Variants in HERC1 observed in about 807,000 individuals in gnomAD.
The protein encoded by HERC1 is HECT and RLD domain containing E3 ubiquitin protein ligase family member 1, also known as probable E3 ubiquitin-protein ligase HERC1.
In HERC1, 160 loss-of-function variants were observed where a neutral mutation model predicts 554.3. The observed-to-expected ratio is 0.29, with a 90% CI of 0.25 to 0.33. HERC1 has a LOEUF of 0.33. HERC1 is among the 10% of genes least tolerant of loss of function. The pLI, the probability that HERC1 is intolerant of heterozygous loss-of-function variation, is 1.00. For missense variants in HERC1, 4,919 were observed against 5,918.5 expected, an observed-to-expected ratio of 0.83 and a Z score of 5.54; for synonymous variants, 2,175 against 2,131.7, an observed-to-expected ratio of 1.02 and a Z score of -0.56.
At chr15:63,772,718 T>G (rs1300557760) in intron 2 of HERC1, among the ~76,000 whole-genome samples, 1 of 152,120 alleles carries the variant, frequency 6.6e-6, no homozygotes, top group Non-Finnish European at 1.5e-5. Context: ...CCTTTCCTAA[T>G]TATTACATCA....
chr15:63,794,536 T>C (rs1303379605), intron 1 of HERC1, among the ~76,000 whole-genome samples: 1 of 152,118 alleles, frequency 6.6e-6, no homozygotes, highest in Non-Finnish European at 1.5e-5. Context: ...ATCCTGAAGC[T>C]AACCAGAGGT....
Position 63,645,512 on chromosome 15 carries a change from T to C in HERC1, c.11049A>G (p.Lys3683=), listed in dbSNP as rs375135750. 1.7e-4 allele frequency: 280 copies of C among 1,611,460 alleles called. No homozygotes were observed. Among genetic ancestry groups the C allele is most frequent in the Non-Finnish European group, 2.2e-4 (256 of 1,178,942 alleles). ...NGIAWCRLPG[K]GSKLQLLMAT... is the part of the protein sequence containing the mutation. ...CCATCAGTAACTGCAACTTGGATCCTTTCCCTGGAAGGCGGCACCAAGCAA... is the reference window on the plus strand; with the variant it reads ...CCATCAGTAACTGCAACTTGGATCCCTTCCCTGGAAGGCGGCACCAAGCAA... Residue 3683 remains lysine, a synonymous_variant, in exon 56 of 78, where the codon AAA becomes AAG. Transcript: ENST00000443617.
chr15:63,773,156 A>G (rs144568031), intron 2 of HERC1, among the ~76,000 whole-genome samples: 214 of 152,292 alleles, frequency 1.4e-3, no homozygotes, highest in African/African-American at 4.8e-3. Context: ...AGACTAATCA[A>G]TGTAGGCCGG....
intron 12 of HERC1, among the ~76,000 whole-genome samples, chr15:63,737,418 T>G (rs139538463): frequency 0.046 from 1,911 of 41,530 alleles, 24 homozygotes; most frequent in African/African-American, 0.064. Flanking sequence ...TATATATATC[T>G]TTTTTCCAGA....
chr15:63,703,109 C>CA (rs372589572), intron 25 of HERC1, among the ~76,000 whole-genome samples: 35,147 of 91,336 alleles, frequency 0.38, 5,505 homozygotes, highest in Middle Eastern at 0.48. Context: ...GACTCTGTCT[C>CA]AAAAAAAAAA....
intron 24 of HERC1, among the ~76,000 whole-genome samples, chr15:63,711,426 T>G (rs2073288750): frequency 6.6e-6 from 1 of 152,116 alleles, no homozygotes; most frequent in Non-Finnish European, 1.5e-5. Context: ...CTCACTAGAC[T>G]ATAAGACTGG....
At chr15:63,663,571 T>A (rs143632694) in intron 43 of HERC1, among the ~76,000 whole-genome samples, 1,805 of 152,304 alleles carry the variant, frequency 0.012, 20 homozygotes, top group East Asian at 0.023. Context: ...TCCTCCTGTC[T>A]CAGCCTCTGA....
At chr15:63,621,454 A>T (rs1270729830) in intron 74 of HERC1, among the ~76,000 whole-genome samples, 1 of 152,090 alleles carries the variant, frequency 6.6e-6, no homozygotes, top group Admixed American at 6.5e-5. Context: ...ACTTTGGTGA[A>T]TCTGACAATT....
chr15:63,789,092 T>G (rs61431709), intron 1 of HERC1, among the ~76,000 whole-genome samples: 821 of 67,634 alleles, frequency 0.012, 7 homozygotes, highest in Middle Eastern at 0.027. Context: ...TTTTTTTTTT[T>G]TTTTTTTTTT....
intron 1 of HERC1, among the ~76,000 whole-genome samples, chr15:63,821,178 T>C (rs1235501820): frequency 2.0e-5 from 3 of 152,012 alleles, no homozygotes; most frequent in African/African-American, 7.3e-5. Flanking sequence ...TCCCAGCACT[T>C]TGGGAGGCTG....
chr15:63,793,021 T>C (rs967425510), intron 1 of HERC1, among the ~76,000 whole-genome samples: 1 of 152,202 alleles, frequency 6.6e-6, no homozygotes, highest in African/African-American at 2.4e-5. Context: ...ATAAAGGCTA[T>C]TACAAAGGGT....
chr15:63,723,283 A>C lies in HERC1; in HGVS notation c.3641T>G (p.Leu1214Trp). 6.3e-7 allele frequency: 1 copy of C among 1,598,316 alleles called. No homozygotes were observed. Residue 1214 changes from leucine (L) to tryptophan (W), a missense_variant, in exon 19 of 78, where the codon TTG becomes TGG. Coordinates refer to ENST00000443617, the MANE Select transcript of HERC1 (RefSeq NM_003922.4). ...TACATAGACAGCAATTTCAGGCCGC[A>C]ATTTATAATCAAAAGGCTTCTGTTC... ...NEEQKPFDYK[L>W]RPEIAVYVDL...
intron 1 of HERC1, among the ~76,000 whole-genome samples, chr15:63,816,316 T>A (rs1195561191): frequency 6.6e-6 from 1 of 152,238 alleles, no homozygotes; most frequent in Non-Finnish European, 1.5e-5. Flanking sequence ...AGAGCCCTTT[T>A]GTCAAGGAGC....
In HERC1 at chr15:63,704,625, C is replaced by T. The variant is rs148930928; in HGVS notation, c.4636+2155G>A. ...TAAATCTGTTCCAAAAATTTAATTC[C>T]TAAGTCAAAATGAACTACCAATTTT... On this transcript the variant is annotated intron_variant, in intron 25 of 77. Coordinates refer to ENST00000443617, the MANE Select transcript of HERC1 (RefSeq NM_003922.4). Among the ~76,000 whole-genome samples the T allele has an allele frequency of 7.1e-3, 1,086 of 152,020 alleles. 14 individuals carry two copies. Among genetic ancestry groups the T allele is most frequent in the African/African-American group, 0.025 (1,045 of 41,460 alleles).
chr15:63,726,817 C>T (rs1046527329), intron 17 of HERC1, among the ~76,000 whole-genome samples: 1 of 151,840 alleles, frequency 6.6e-6, no homozygotes, highest in African/African-American at 2.4e-5. Context: ...GAAAGTTCCG[C>T]GTTCATGTTA....
chr15:63,821,447 T>C (rs1187590370), intron 1 of HERC1, among the ~76,000 whole-genome samples: 1 of 151,384 alleles, frequency 6.6e-6, no homozygotes, highest in Non-Finnish European at 1.5e-5. Context: ...TCCCAGCTAC[T>C]TGGGAAGCTA....
rs138779687 is a variant in HERC1, at chr15:63,741,688, C to T, written c.2520+5230G>A. Among the ~76,000 whole-genome samples, 596 of 152,222 alleles carry T rather than the reference C, an allele frequency of 3.9e-3. 5 individuals are homozygous for T. Among genetic ancestry groups the T allele is most frequent in the African/African-American group, 0.014 (568 of 41,528 alleles). ...TTTTTTTGTATATGATGTAAGGGGCCAACTTCATTCTTTTGCATGTGGGTA... is the reference window on the plus strand; with the variant it reads ...TTTTTTTGTATATGATGTAAGGGGCTAACTTCATTCTTTTGCATGTGGGTA... On this transcript the variant is annotated intron_variant, in intron 12 of 77. Coordinates refer to ENST00000443617, the MANE Select transcript of HERC1 (RefSeq NM_003922.4).
chr15:63,746,880 T>C, intron 12 of HERC1, 38 bp downstream of exon 12: 1 of 1,514,826 alleles, frequency 6.6e-7, no homozygotes. Context: ...GAGAAAGACG[T>C]GGTTTGAGAT....
intron 1 of HERC1, among the ~76,000 whole-genome samples, chr15:63,800,645 T>C (rs1249109649): frequency 6.6e-6 from 1 of 152,234 alleles, no homozygotes; most frequent in African/African-American, 2.4e-5. Context: ...TCCAGTACTT[T>C]ACCTTCATAG....
Sources: allele counts gnomAD v4.1 joint callset (sites outside exome capture counted in the v4.1 genomes callset), GRCh38; gene constraint gnomAD v4.1.1; transcripts MANE v1.5; gene names NCBI Gene and HGNC (gene_info 2026-07-23, HGNC 2026-07-21).